Variants in FRMD5 observed in about 807,000 individuals in gnomAD.
The protein encoded by FRMD5 is FERM domain-containing protein 5.
FRMD5 carries 20 observed loss-of-function variants against 69.0 expected under a neutral mutation model. The ratio of observed to expected loss-of-function variants is 0.29; its 90% CI spans 0.20 to 0.42. The LOEUF (loss-of-function observed/expected upper bound fraction) is 0.42. Ranked by LOEUF, FRMD5 falls within the 10% of genes least tolerant of loss-of-function variation. The pLI is 1.00. For missense variants in FRMD5, 595 were observed against 708.6 expected (o/e 0.84, Z 1.82); for synonymous variants, 271 against 260.1 (o/e 1.04, Z -0.40).
intron 1 of FRMD5, among the ~76,000 whole-genome samples, chr15:44,182,225 G>A (rs981516730): frequency 1.3e-5 from 2 of 151,596 alleles, no homozygotes; most frequent in African/African-American, 4.8e-5. Context: ...TGGCCAGGCT[G>A]GTCTTGAATG....
intron 1 of FRMD5, among the ~76,000 whole-genome samples, chr15:43,950,243 G>A (rs1003841502): frequency 7.2e-5 from 11 of 152,196 alleles, no homozygotes; most frequent in Admixed American, 5.2e-4. Flanking sequence ...GTACAACCGG[G>A]AAGGTGGATA....
chr15:44,166,245 G>A (rs1280002160), intron 1 of FRMD5, among the ~76,000 whole-genome samples: 2 of 152,064 alleles, frequency 1.3e-5, no homozygotes, highest in Non-Finnish European at 2.9e-5. Context: ...CCACTTTGTG[G>A]CATTCTCTCC....
intron 1 of FRMD5, among the ~76,000 whole-genome samples, chr15:44,090,848 A>AT (rs2076462472): frequency 6.6e-6 from 1 of 152,148 alleles, no homozygotes; most frequent in Non-Finnish European, 1.5e-5. Context: ...CATGTTTTGA[A>AT]TTTTTTTAAA....
chr15:43,904,981 G>A (rs1471203059), intron 6 of FRMD5, among the ~76,000 whole-genome samples: 1 of 152,104 alleles, frequency 6.6e-6, no homozygotes, highest in East Asian at 1.9e-4. Flanking sequence ...AGGCGGGGCT[G>A]AGGACATACT....
chr15:43,996,616 T>C (rs185985396), intron 1 of FRMD5, among the ~76,000 whole-genome samples: 10 of 152,088 alleles, frequency 6.6e-5, no homozygotes, highest in Admixed American at 2.6e-4. Flanking sequence ...AATTTCACCA[T>C]CTAGCTGATG....
At chr15:44,178,993 GAAATAAATAAATAAAT>G (rs58781373) in intron 1 of FRMD5, among the ~76,000 whole-genome samples, 1 of 151,396 alleles carries the variant, frequency 6.6e-6, no homozygotes, top group African/African-American at 2.4e-5. Context: ...ACTCTGTCTT[GAAATAAATAAATAAAT>G]AAATAAATAA....
Position 44,158,965 on chromosome 15 carries a change from G to A in FRMD5, c.102+35988C>T, listed in dbSNP as rs115936173. ...GCAGGAGTATGCCCAGCATGGCATA[G>A]GAAGACAAAAAAAATGAGCACCTAA... On this transcript the variant is annotated intron_variant, in intron 1 of 13. Coordinates refer to ENST00000417257, the MANE Select transcript of FRMD5 (RefSeq NM_032892.5). 2.2e-3 allele frequency among the ~76,000 whole-genome samples: 339 copies of A among 152,156 alleles called. 1 individual carries two copies. The highest frequency in any genetic ancestry group is 7.7e-3 in the African/African-American group (318 of 41,528).
intron 1 of FRMD5, among the ~76,000 whole-genome samples, chr15:44,103,143 G>C (rs1164776194): frequency 6.6e-6 from 1 of 152,108 alleles, no homozygotes; most frequent in East Asian, 1.9e-4. Flanking sequence ...CATGCCATTT[G>C]CCCTAATGTA....
intron 1 of FRMD5, chr15:43,989,837 G>A (rs1889584338): frequency 9.8e-7 from 1 of 1,021,586 alleles, no homozygotes; most frequent in Non-Finnish European, 1.5e-6. Context: ...ATCTTCTTGT[G>A]GTTGGCCTTG....
intron 1 of FRMD5, among the ~76,000 whole-genome samples, chr15:43,931,992 C>T (rs1342757654): frequency 6.6e-6 from 1 of 152,218 alleles, no homozygotes; most frequent in African/African-American, 2.4e-5. Context: ...TCTGCCACTT[C>T]TCAGCTTGTG....
intron 1 of FRMD5, among the ~76,000 whole-genome samples, chr15:44,031,517 T>C (rs1017457540): frequency 7.9e-5 from 12 of 152,138 alleles, no homozygotes; most frequent in Non-Finnish European, 1.8e-4. Flanking sequence ...TGTCCTTACA[T>C]GGTGGAAGGG....
intron 13 of FRMD5, among the ~76,000 whole-genome samples, chr15:43,876,528 AAGAG>A (rs371903009): frequency 6.6e-6 from 1 of 152,186 alleles, no homozygotes; most frequent in Non-Finnish European, 1.5e-5. Context: ...TTTTTAATAA[AAGAG>A]AGGTAGGAAT....
intron 1 of FRMD5, among the ~76,000 whole-genome samples, chr15:43,933,983 C>G (rs1373541809): frequency 6.6e-6 from 1 of 152,242 alleles, no homozygotes; most frequent in Non-Finnish European, 1.5e-5. Context: ...GGCCTTTGGG[C>G]TCTCTTGTCT....
rs1391997810 is a variant in FRMD5 at position 43,919,787 on chromosome 15, G to C, written c.230C>G (p.Ser77Cys). The C allele has an allele frequency of 8.1e-6, 13 of 1,613,940 alleles. No individual in the cohort carries two copies. Among genetic ancestry groups the C allele is most frequent in the Non-Finnish European group, 1.0e-5 (12 of 1,179,928 alleles). ...KQRHWLEFTKSVVKQLRSQPP... is the reference protein window; with the variant it reads ...KQRHWLEFTKCVVKQLRSQPP... The stretch of plus-strand genomic sequence containing the variant: ...CTTACATCTCAATTGTTTCACCACA[G>C]ACTTTGTAAATTCCAGCCAATGCTG... Residue 77 changes from serine (S) to cysteine (C), a missense_variant, in exon 3 of 14, where the codon TCT becomes TGT. This residue lies in a region of FRMD5 where 79 missense variants were observed against 139.9 expected (regional missense o/e 0.56). Transcript: ENST00000417257.
chr15:43,946,108 TCTC>T (rs1171863863), intron 1 of FRMD5, among the ~76,000 whole-genome samples: 5 of 151,844 alleles, frequency 3.3e-5, no homozygotes, highest in African/African-American at 1.2e-4. Flanking sequence ...CACCCAAATC[TCTC>T]CTCCTCTTGG....
At chr15:43,967,759 T>C (rs563782314) in intron 1 of FRMD5, among the ~76,000 whole-genome samples, 1 of 152,278 alleles carries the variant, frequency 6.6e-6, no homozygotes, top group South Asian at 2.1e-4. Context: ...CTTTAAATTT[T>C]TTTTTAAATT....
At chr15:44,003,983 G>C (rs971641143) in intron 1 of FRMD5, among the ~76,000 whole-genome samples, 2 of 152,174 alleles carry the variant, frequency 1.3e-5, no homozygotes, top group African/African-American at 2.4e-5. Flanking sequence ...AATATTTGCT[G>C]ATGTTAAATG....
At chr15:44,081,112 C>T (rs1437393312) in intron 1 of FRMD5, among the ~76,000 whole-genome samples, 1 of 152,052 alleles carries the variant, frequency 6.6e-6, no homozygotes, top group Admixed American at 6.6e-5. Flanking sequence ...GCTCCTTATG[C>T]AGGAAGGATA....
At chr15:44,162,137 G>T (rs1045663014) in intron 1 of FRMD5, among the ~76,000 whole-genome samples, 1 of 151,976 alleles carries the variant, frequency 6.6e-6, no homozygotes, top group African/African-American at 2.4e-5. Flanking sequence ...GCTAATTTTT[G>T]TATTTTTAGT....
Sources: gnomAD v4.1 joint callset for allele counts (sites outside exome capture counted in the v4.1 genomes callset) on GRCh38, gnomAD v4.1.1 for gene constraint, gnomAD v4.1.1 regional missense constraint, MANE v1.5 for transcripts, NCBI Gene and HGNC (gene_info 2026-07-23, HGNC 2026-07-21) for gene names.